ROBO1: variants seen among roughly 807,000 people sequenced by gnomAD.
ROBO1 encodes the protein roundabout guidance receptor 1.
In ROBO1, 149 loss-of-function variants were observed where a neutral mutation model predicts 195.9. The observed-to-expected ratio is 0.76, with a 90% CI of 0.67 to 0.87. ROBO1 has a LOEUF of 0.87. ROBO1 is among the 40% of genes least tolerant of loss of function. The pLI, the probability that ROBO1 is intolerant of heterozygous loss-of-function variation, is 0.00. For synonymous variants in ROBO1, 816 were observed against 733.2 expected (o/e 1.11, Z -1.82); for missense variants, 1,933 against 2,068.3 (o/e 0.93, Z 1.27).
intron 2 of ROBO1, among the ~76,000 whole-genome samples, chr3:79,519,757 T>G (rs1233486718): frequency 6.6e-6 from 1 of 152,042 alleles, no homozygotes; most frequent in Non-Finnish European, 1.5e-5. Flanking sequence ...ATAGTGGGTC[T>G]GATGTCTTCG....
intron 10 of ROBO1, among the ~76,000 whole-genome samples, chr3:78,673,725 T>G (rs1190269909): frequency 2.0e-5 from 3 of 149,652 alleles, no homozygotes; most frequent in Non-Finnish European, 4.4e-5. Flanking sequence ...ATTTGTCACC[T>G]CAAAAATAGC....
Position 78,615,715 on chromosome 3 carries a change from C to T in ROBO1, c.4283-915G>A, listed in dbSNP as rs1013604049. Among the ~76,000 whole-genome samples the T allele has an allele frequency of 6.6e-5, 10 of 152,214 alleles. No homozygotes were observed. The South Asian group carries it at 1.9e-3, about 28-fold the overall frequency. Reference sequence around the variant, plus strand: ...GTACCACAAGAAACTTCAAATGGACCGCGACAACATGTCTTTTGGCTATAA... The same window carrying T: ...GTACCACAAGAAACTTCAAATGGACTGCGACAACATGTCTTTTGGCTATAA... On this transcript the variant is annotated intron_variant, in intron 27 of 30. Coordinates refer to ENST00000464233, the MANE Select transcript of ROBO1 (RefSeq NM_002941.4).
intron 4 of ROBO1, among the ~76,000 whole-genome samples, chr3:78,892,887 T>C (rs557700254): frequency 1.3e-5 from 2 of 152,252 alleles, no homozygotes; most frequent in Admixed American, 6.5e-5. Context: ...AAAAGATAAA[T>C]ATCGCCCATT....
At chr3:79,175,853 G>A (rs2081254259) in intron 2 of ROBO1, among the ~76,000 whole-genome samples, 1 of 152,088 alleles carries the variant, frequency 6.6e-6, no homozygotes, top group Non-Finnish European at 1.5e-5. Context: ...AACAACAGAT[G>A]AAATGTTACA....
At chr3:79,533,289 C>A (rs1006031967) in intron 2 of ROBO1, among the ~76,000 whole-genome samples, 1 of 152,020 alleles carries the variant, frequency 6.6e-6, no homozygotes, top group Non-Finnish European at 1.5e-5. Context: ...CTAGTATTTT[C>A]TTTTGATTTA....
At chr3:79,406,489 C>T (rs1244399937) in intron 2 of ROBO1, among the ~76,000 whole-genome samples, 1 of 151,724 alleles carries the variant, frequency 6.6e-6, no homozygotes, top group African/African-American at 2.4e-5. Context: ...TGCTTCCTGG[C>T]ATATTTATGG....
chr3:79,383,741 AATTTC>A (rs1257388308), intron 2 of ROBO1, among the ~76,000 whole-genome samples: 2 of 152,074 alleles, frequency 1.3e-5, no homozygotes, highest in African/African-American at 4.8e-5. Flanking sequence ...GCCTCACTTG[AATTTC>A]ATACCAGTAA....
At chr3:79,135,221 T>C (rs1419677604) in intron 2 of ROBO1, among the ~76,000 whole-genome samples, 1 of 152,146 alleles carries the variant, frequency 6.6e-6, no homozygotes, top group African/African-American at 2.4e-5. Flanking sequence ...GAAAAATTGT[T>C]GGAAGATAGC....
rs563290603 is a variant in ROBO1 at position 78,665,960 on chromosome 3, TCTC to T, written c.1966+1920_1966+1922del. On this transcript the variant is annotated intron_variant, in intron 14 of 30. Transcript: ENST00000464233. Reference sequence around the variant, plus strand: ...CCCAAATCTCATCTTGAACTGTAGTTCTCCTAATCCCCATGTGTCACGGGAGGG... The same window carrying T: ...CCCAAATCTCATCTTGAACTGTAGTTCTAATCCCCATGTGTCACGGGAGGG... Among the ~76,000 whole-genome samples, 192 of 152,114 alleles carry T rather than the reference TCTC, an allele frequency of 1.3e-3. 2 individuals carry two copies. Among genetic ancestry groups the T allele is most frequent in the African/African-American group, 4.2e-3 (175 of 41,502 alleles).
At chr3:79,236,739 G>A (rs76270006) in intron 2 of ROBO1, among the ~76,000 whole-genome samples, 7,710 of 152,172 alleles carry the variant, frequency 0.051, 300 homozygotes, top group African/African-American at 0.11. Context: ...ATTGTTTTTA[G>A]TAACAAAAAT....
At chr3:78,962,822 TCAAAAA>T (rs2041439962) in intron 3 of ROBO1, among the ~76,000 whole-genome samples, 1 of 40,818 alleles carries the variant, frequency 2.4e-5, no homozygotes, top group African/African-American at 1.4e-4. Flanking sequence ...AGACTCCATC[TCAAAAA>T]AAAAAAAAAA....
At chr3:78,832,739 G>T (rs374989833) in intron 4 of ROBO1, among the ~76,000 whole-genome samples, 1 of 152,176 alleles carries the variant, frequency 6.6e-6, no homozygotes, top group Admixed American at 6.5e-5. Flanking sequence ...AACTAGGTTG[G>T]TAGAAAAAAC....
intron 4 of ROBO1, among the ~76,000 whole-genome samples, chr3:78,934,256 T>C (rs2039680712): frequency 6.6e-6 from 1 of 152,028 alleles, no homozygotes; most frequent in African/African-American, 2.4e-5. Flanking sequence ...CATTATTTCA[T>C]TTAATCATGA....
At chr3:79,352,082 C>T (rs543497914) in intron 2 of ROBO1, among the ~76,000 whole-genome samples, 2 of 152,228 alleles carry the variant, frequency 1.3e-5, no homozygotes, top group Non-Finnish European at 2.9e-5. Flanking sequence ...CTAGATATTC[C>T]TTTTGCTAAG....
chr3:79,721,124 A>G (rs11915905), intron 1 of ROBO1, among the ~76,000 whole-genome samples: 70 of 152,236 alleles, frequency 4.6e-4, no homozygotes, highest in African/African-American at 1.6e-3. Context: ...GAACTTGTGA[A>G]AATAAAGTGC....
At chr3:78,954,663 A>T (rs2040951479) in intron 3 of ROBO1, among the ~76,000 whole-genome samples, 1 of 152,024 alleles carries the variant, frequency 6.6e-6, no homozygotes, top group Admixed American at 6.6e-5. Context: ...GTTAATTATA[A>T]TCTTCAGTTT....
chr3:79,369,168 A>G (rs2036093049), intron 2 of ROBO1, among the ~76,000 whole-genome samples: 1 of 152,196 alleles, frequency 6.6e-6, no homozygotes, highest in African/African-American at 2.4e-5. Context: ...TTAAACCAGT[A>G]GGACTGGTGA....
chr3:79,377,242 T>C (rs899849967), intron 2 of ROBO1, among the ~76,000 whole-genome samples: 2 of 152,232 alleles, frequency 1.3e-5, no homozygotes, highest in African/African-American at 4.8e-5. Context: ...TTTAAAGATG[T>C]TATTTAATCT....
intron 2 of ROBO1, among the ~76,000 whole-genome samples, chr3:79,279,436 T>C (rs1408051074): frequency 6.6e-6 from 1 of 151,984 alleles, no homozygotes; most frequent in African/African-American, 2.4e-5. Flanking sequence ...CCAAATAGTA[T>C]CACTATTATA....
Sources: gnomAD v4.1 joint callset for allele counts (sites outside exome capture counted in the v4.1 genomes callset) on GRCh38, gnomAD v4.1.1 for gene constraint, MANE v1.5 for transcripts, NCBI Gene and HGNC (gene_info 2026-07-23, HGNC 2026-07-21) for gene names.